Variants in ABI2 observed in about 807,000 individuals in gnomAD.
ABI2 encodes the protein abl interactor 2.
ABI2 carries 25 observed loss-of-function variants against 59.2 expected under a neutral mutation model. The ratio of observed to expected loss-of-function variants is 0.42; its 90% CI spans 0.31 to 0.59. ABI2 has a LOEUF of 0.59. ABI2 is among the 20% of genes least tolerant of loss of function. ABI2 has a pLI of 0.14. For missense variants in ABI2, 545 were observed against 681.8 expected (o/e 0.80, Z 2.23); for synonymous variants, 213 against 235.5 (o/e 0.90, Z 0.87).
intron 1 of ABI2, among the ~76,000 whole-genome samples, chr2:203,336,497 G>A (rs1208824608): frequency 2.6e-5 from 4 of 152,142 alleles, no homozygotes; most frequent in Admixed American, 2.6e-4. Flanking sequence ...TTCATCTGCC[G>A]AGGAGGCTGT....
intron 9 of ABI2, chr2:203,403,265 GAAT>G (rs2097294750): frequency 6.5e-6 from 1 of 152,890 alleles, no homozygotes; most frequent in Admixed American, 6.5e-5. Context: ...CATGCATGCA[GAAT>G]AACTAATCTG....
chr2:203,358,161 G>A (rs1472952796), intron 1 of ABI2, among the ~76,000 whole-genome samples: 1 of 150,690 alleles, frequency 6.6e-6, no homozygotes, highest in African/African-American at 2.4e-5. Context: ...CTGTTGACCA[G>A]GCTGGAGCGC....
chr2:203,363,161 A>T (rs67984897), intron 1 of ABI2, among the ~76,000 whole-genome samples: 12 of 111,630 alleles, frequency 1.1e-4, no homozygotes, highest in South Asian at 3.0e-4. Context: ...TTAAAAAAAA[A>T]TTTTTCGTGA....
rs1232842264 is a variant in ABI2 at position 203,428,525 on chromosome 2, TC to T, written c.*1174del. 1 of 152,616 alleles carries T rather than the reference TC, an allele frequency of 6.6e-6. No homozygotes were observed. The highest frequency in any genetic ancestry group is 1.5e-5 in the Non-Finnish European group (1 of 68,034). 9.5% of individuals were successfully genotyped at this position (152,616 alleles called of 1,614,324 possible). ...CTGTTAGTCAGAATTAAAACCCATC[TC>T]AGACTAAGAATATAATGAATAAGAT... On this transcript the variant is annotated 3_prime_UTR_variant, in exon 12 of 12. Coordinates refer to ENST00000261018, the MANE Select transcript of ABI2 (RefSeq NM_001375670.1).
Position 203,429,479 on chromosome 2 carries a change from C to G in ABI2, c.*2127C>G, listed in dbSNP as rs1210172486. On this transcript the variant is annotated 3_prime_UTR_variant, in exon 12 of 12. Coordinates refer to ENST00000261018, the MANE Select transcript of ABI2 (RefSeq NM_001375670.1). ...AAATCCAATAAATAGTTCCCACAGG[C>G]TGGGTGTGGTGGCTTATGCCTGTAA... 1 of 152,192 alleles carries G rather than the reference C, an allele frequency of 6.6e-6. No homozygotes were observed. The highest frequency in any genetic ancestry group is 1.5e-5 in the Non-Finnish European group (1 of 68,052). The allele number at this position is 152,192 out of a possible 1,614,324, so 9.4% of individuals were successfully genotyped here.
intron 1 of ABI2, among the ~76,000 whole-genome samples, chr2:203,350,737 A>G (rs1016360526): frequency 6.6e-6 from 1 of 150,948 alleles, no homozygotes; most frequent in African/African-American, 2.4e-5. Flanking sequence ...ATGGGGTTTC[A>G]CCATCTTGGC....
At chr2:203,364,392 C>T (rs1577122969) in intron 1 of ABI2, among the ~76,000 whole-genome samples, 1 of 152,202 alleles carries the variant, frequency 6.6e-6, no homozygotes, top group South Asian at 2.1e-4. Context: ...CTGTGGCTGG[C>T]AGGGAAAGAT....
At chr2:203,331,704 TTAAC>T (rs949922536) in intron 1 of ABI2, among the ~76,000 whole-genome samples, 1 of 151,820 alleles carries the variant, frequency 6.6e-6, no homozygotes, top group Non-Finnish European at 1.5e-5. Flanking sequence ...CTAGCTCGAG[TTAAC>T]TAACCCAACA....
intron 4 of ABI2, chr2:203,386,556 C>CTG (rs1034817359): frequency 5.5e-6 from 3 of 545,178 alleles, no homozygotes; most frequent in Non-Finnish European, 7.0e-6. Context: ...AGAGAAAAAC[C>CTG]AGCTCAGGTT....
At chr2:203,338,918 G>GTA (rs2077690681) in intron 1 of ABI2, among the ~76,000 whole-genome samples, 1 of 35,588 alleles carries the variant, frequency 2.8e-5, no homozygotes, top group Non-Finnish European at 5.8e-5. Context: ...CTGTGTGTGT[G>GTA]TGTGTGTGTG....
chr2:203,412,527 A>G (rs1468698702), intron 10 of ABI2, among the ~76,000 whole-genome samples: 2 of 152,180 alleles, frequency 1.3e-5, no homozygotes, highest in African/African-American at 4.8e-5. Context: ...GTTTATTGGA[A>G]GGTACTCCAT....
intron 9 of ABI2, among the ~76,000 whole-genome samples, chr2:203,403,703 T>A (rs916081584): frequency 1.5e-4 from 23 of 151,650 alleles, no homozygotes; most frequent in African/African-American, 5.6e-4. Context: ...GGATTTGAAC[T>A]TAGGTTTTCT....
At chr2:203,423,199 T>C (rs973359282) in intron 11 of ABI2, among the ~76,000 whole-genome samples, 1 of 152,158 alleles carries the variant, frequency 6.6e-6, no homozygotes, top group Non-Finnish European at 1.5e-5. Flanking sequence ...CCTTAATTTT[T>C]CCCCCAATAT....
chr2:203,367,300 T>A, intron 2 of ABI2: 1 of 299,114 alleles, frequency 3.3e-6, no homozygotes. Context: ...AGCCCTATAA[T>A]GAAACTTCAT....
intron 1 of ABI2, among the ~76,000 whole-genome samples, chr2:203,330,422 C>T (rs1014353095): frequency 6.7e-6 from 1 of 149,686 alleles, no homozygotes. Flanking sequence ...GATTCACTTG[C>T]TCAATTTTTC....
intron 2 of ABI2, among the ~76,000 whole-genome samples, chr2:203,374,553 A>G (rs1050555239): frequency 6.6e-6 from 1 of 151,894 alleles, no homozygotes; most frequent in African/African-American, 2.4e-5. Context: ...AGATACACTG[A>G]AGGTTATCAA....
Position 203,411,311 on chromosome 2 carries a change from A to G in ABI2, c.1219A>G (p.Ile407Val), listed in dbSNP as rs145564884. ...ATCTCTTGCTCCTCCTCCTCCCTCCATCCTACAGGTAACTCCTCAGTTACC... is the reference window on the plus strand; with the variant it reads ...ATCTCTTGCTCCTCCTCCTCCCTCCGTCCTACAGGTAACTCCTCAGTTACC... ...PVSLAPPPPS[I>V]LQVTPQLPLM... The change falls in exon 10 of 12, where the codon ATC (isoleucine) becomes GTC (valine). Residue 407 changes from isoleucine to valine, a missense_variant. Physicochemically the swap from Ile to Val is conservative, Grantham distance 29 (BLOSUM62 3). This residue lies in a region of ABI2 where 410 missense variants were observed against 435.6 expected (regional missense o/e 0.94). Coordinates refer to ENST00000261018, the MANE Select transcript of ABI2 (RefSeq NM_001375670.1). The G allele has an allele frequency of 3.1e-6, 5 of 1,613,322 alleles. No homozygotes were observed. Among genetic ancestry groups the G allele is most frequent in the African/African-American group, 1.3e-5 (1 of 74,776 alleles).
chr2:203,384,677 T>A (rs1213951812), intron 4 of ABI2, among the ~76,000 whole-genome samples: 1 of 152,084 alleles, frequency 6.6e-6, no homozygotes, highest in African/African-American at 2.4e-5. Context: ...GTGTTTGTAA[T>A]GAATTTTTCT....
At chr2:203,381,922 T>C (rs894380951) in intron 3 of ABI2, among the ~76,000 whole-genome samples, 1 of 152,236 alleles carries the variant, frequency 6.6e-6, no homozygotes, top group African/African-American at 2.4e-5. Flanking sequence ...TGACTTTCAG[T>C]GTTTAAGGGT....
Sources: allele counts gnomAD v4.1 joint callset (sites outside exome capture counted in the v4.1 genomes callset), GRCh38; gene constraint gnomAD v4.1.1; regional missense constraint gnomAD v4.1.1; transcripts MANE v1.5; gene names NCBI Gene and HGNC (gene_info 2026-07-23, HGNC 2026-07-21).